MED16: variants seen among roughly 807,000 people sequenced by gnomAD.
MED16 encodes mediator complex subunit 16.
Under a neutral mutation model 84.4 loss-of-function variants are expected in MED16, and 81 were observed. The observed-to-expected ratio is 0.96, with a 90% CI of 0.80 to 1.15. The LOEUF (loss-of-function observed/expected upper bound fraction) is 1.15, where lower values mean the gene tolerates loss of function less well. Among genes scored for constraint, MED16 ranks in the 50% most tolerant of loss-of-function variants. The pLI is 0.00. For missense variants in MED16, 1,585 were observed against 1,245.9 expected (o/e 1.27, Z -4.10); for synonymous variants, 897 against 552.2 (o/e 1.62, Z -8.76).
intron 13 of MED16, 36 bp from the exon 14 acceptor site, chr19:868,982 GCAC>G (rs1425416480): frequency 2.0e-6 from 3 of 1,501,970 alleles, no homozygotes; most frequent in Non-Finnish European, 1.8e-6. Context: ...GGAGGCCTGG[GCAC>G]CACGAGGCCA....
intron 6 of MED16, among the ~76,000 whole-genome samples, chr19:883,607 C>T (rs558257253): frequency 7.2e-5 from 11 of 152,060 alleles, no homozygotes; most frequent in Non-Finnish European, 1.3e-4. Flanking sequence ...ACGTGGCTCT[C>T]GGGCGGGTAA....
At chr19:886,233 G>T (rs781289909) in intron 4 of MED16, 32 bp from the exon 5 acceptor site, 7 of 1,478,610 alleles carry the variant, frequency 4.7e-6, no homozygotes, top group Non-Finnish European at 6.3e-6. Flanking sequence ...AGGAGGGGCC[G>T]CTCAGGCTCA....
Position 872,088 on chromosome 19 carries a change from G to C in MED16, c.1936C>G (p.Leu646Val), listed in dbSNP as rs761913910. 8.7e-6 allele frequency: 14 copies of C among 1,608,786 alleles called. No individual in the cohort carries two copies. The highest frequency in any genetic ancestry group is 1.6e-4 in the Middle Eastern group (1 of 6,064). ...GSLLRPGHSF[L>V]RDGTSLGMLR... ...ATGCCCAGCGAGGTGCCGTCCCGCA[G>C]AAAGCTGTGGCCCGGCCTCAGCAGG... The change falls in exon 12 of 16, where the codon CTG (leucine) becomes GTG (valine). Residue 646 changes from leucine (L) to valine (V), a missense_variant. Coordinates refer to ENST00000325464, the MANE Select transcript of MED16 (RefSeq NM_005481.3).
intron 8 of MED16, among the ~76,000 whole-genome samples, chr19:879,391 A>G (rs2036356419): frequency 8.5e-6 from 1 of 118,110 alleles, no homozygotes; most frequent in Non-Finnish European, 1.7e-5. Flanking sequence ...CACATGCCCC[A>G]GCAGCTCACC....
intron 10 of MED16, among the ~76,000 whole-genome samples, 190 bp from the exon 11 acceptor site, chr19:873,772 C>G (rs1040065112): frequency 6.6e-6 from 1 of 152,114 alleles, no homozygotes; most frequent in African/African-American, 2.4e-5. Flanking sequence ...ACTGCCTGCC[C>G]CCCCCCGGGG....
chr19:884,455 C>T (rs2036484731), intron 6 of MED16, among the ~76,000 whole-genome samples: 1 of 152,080 alleles, frequency 6.6e-6, no homozygotes, highest in African/African-American at 2.4e-5. Flanking sequence ...GCAGCCTCAG[C>T]TGACCCGCTG....
intron 12 of MED16, 131 bp from the exon 13 acceptor site, chr19:871,384 G>T: frequency 7.6e-7 from 1 of 1,307,508 alleles, no homozygotes; most frequent in Non-Finnish European, 1.0e-6. Context: ...CTGGCTGGGT[G>T]ACCCCGGGGT....
intron 4 of MED16, among the ~76,000 whole-genome samples, chr19:886,572 G>A (rs1414522238): frequency 1.3e-5 from 2 of 152,234 alleles, no homozygotes; most frequent in Non-Finnish European, 2.9e-5. Flanking sequence ...GCGGCACACA[G>A]GCAGCTGGTG....
At chr19:878,252 AG>A (rs2036311748) in intron 8 of MED16, among the ~76,000 whole-genome samples, 1 of 22,572 alleles carries the variant, frequency 4.4e-5, no homozygotes, top group African/African-American at 1.9e-4. Flanking sequence ...CCCCAGCCCC[AG>A]CCCCACGGGC....
rs150974778 is a variant in MED16 at position 875,386 on chromosome 19, G to C, written c.1629C>G (p.Arg543=). Residue 543 remains arginine, a synonymous_variant, in exon 10 of 16, where the codon CGC becomes CGG. Transcript: ENST00000325464. ...LCKLSPCTVT[R]VCDYHTKLFL... ...AGAGCTTGGTGTGGTAGTCGCACAC[G>C]CGGGTCACCGTGCAGGGCGACAGCT... 3.1e-6 allele frequency: 5 copies of C among 1,609,076 alleles called. No individual in the cohort carries two copies. Among genetic ancestry groups the C allele is most frequent in the South Asian group, 1.1e-5 (1 of 91,062 alleles).
In MED16 at chr19:868,417, G is replaced by A. The variant is rs1239056066; in HGVS notation, c.2482C>T (p.Leu828=). 5 of 1,610,138 alleles carry A rather than the reference G, an allele frequency of 3.1e-6. No homozygotes were observed. The highest frequency in any genetic ancestry group is 4.2e-6 in the Non-Finnish European group (5 of 1,179,874). ...ACCCGCCACCAGAGCCCACCGCACA[G>A]GCAGTTCTTGATCCAGCGCTGCTCC... ...QWEQRWIKNC[L]AVEGRGPDAC... The change falls in exon 15 of 16, where the codon CTG becomes TTG. Residue 828 remains leucine (L), a splice_region_variant and synonymous_variant. Coordinates refer to ENST00000325464, the MANE Select transcript of MED16 (RefSeq NM_005481.3).
Position 875,381 on chromosome 19 carries a change from C to T in MED16, c.1634G>A (p.Cys545Tyr), listed in dbSNP as rs2036206679. Residue 545 changes from cysteine to tyrosine, a missense_variant, in exon 10 of 16, where the codon TGC becomes TAC. Cys to Tyr is a radical substitution (Grantham distance 194, BLOSUM62 -2). Transcript: ENST00000325464. ...GAGGAAGAGCTTGGTGTGGTAGTCG[C>T]ACACGCGGGTCACCGTGCAGGGCGA... ...KLSPCTVTRV[C>Y]DYHTKLFLIA... 6.2e-7 allele frequency: 1 copy of T among 1,609,372 alleles called. No individual in the cohort carries two copies.
intron 6 of MED16, 32 bp from the exon 7 acceptor site, chr19:881,746 C>G: frequency 6.2e-7 from 1 of 1,601,710 alleles, no homozygotes; most frequent in Non-Finnish European, 8.5e-7. Context: ...AACAGGAAGG[C>G]AATGGAGTAA....
At chr19:882,304 TCAAGACCAGCCTGGACAACACAG>T (rs1349152214) in intron 6 of MED16, among the ~76,000 whole-genome samples, 10 of 152,234 alleles carry the variant, frequency 6.6e-5, no homozygotes, top group African/African-American at 2.4e-4. Flanking sequence ...GTCCAGGAGT[TCAAGACCAGCCTGGACAACACAG>T]CAAGACCCCA....
chr19:885,601 T>G (rs889670307), intron 5 of MED16, among the ~76,000 whole-genome samples, 169 bp downstream of exon 5: 2 of 151,890 alleles, frequency 1.3e-5, no homozygotes, highest in African/African-American at 4.8e-5. Flanking sequence ...CTCCAGATGC[T>G]GGGAAAGGCA....
chr19:889,939 C>A, intron 3 of MED16, 132 bp from the exon 4 acceptor site: 1 of 1,095,320 alleles, frequency 9.1e-7, no homozygotes, highest in South Asian at 1.6e-5. Context: ...GCAGGTGGCA[C>A]AAGGCGCACT....
intron 10 of MED16, among the ~76,000 whole-genome samples, chr19:874,052 GGCTCCCA>G (rs2036168052): frequency 6.6e-6 from 1 of 152,156 alleles, no homozygotes; most frequent in Non-Finnish European, 1.5e-5. Flanking sequence ...CTGTGCACAC[GGCTCCCA>G]GCTACCAGGA....
intron 12 of MED16, chr19:871,686 G>T (rs777107748): frequency 1.3e-6 from 2 of 1,544,864 alleles, no homozygotes. Flanking sequence ...AGATATCAAG[G>T]CAGAGCCACT....
chr19:871,606 C>G, intron 12 of MED16: 1 of 1,595,802 alleles, frequency 6.3e-7, no homozygotes, highest in Non-Finnish European at 8.5e-7. Context: ...AAACAGGTGC[C>G]TGGAAGTGGC....
Sources: allele counts gnomAD v4.1 joint callset (sites outside exome capture counted in the v4.1 genomes callset), GRCh38; gene constraint gnomAD v4.1.1; transcripts MANE v1.5; gene names NCBI Gene and HGNC (gene_info 2026-07-23, HGNC 2026-07-21).